Variants in SNTG1 observed in about 807,000 individuals in gnomAD.
The protein encoded by SNTG1 is syntrophin gamma 1, also known as gamma-1-syntrophin.
In SNTG1, 39 loss-of-function variants were observed where a neutral mutation model predicts 74.7. The observed-to-expected ratio is 0.52, with a 90% CI of 0.40 to 0.68. The LOEUF (loss-of-function observed/expected upper bound fraction) is 0.68, where lower values mean the gene tolerates loss of function less well. Among genes scored for constraint, SNTG1 ranks in the 30% least tolerant of loss-of-function variants. SNTG1 has a pLI of 0.00. For missense variants in SNTG1, 685 were observed against 609.5 expected (o/e 1.12, Z -1.30); for synonymous variants, 254 against 217.1 (o/e 1.17, Z -1.49).
At chr8:50,440,539 T>C (rs2093348934) in intron 5 of SNTG1, among the ~76,000 whole-genome samples, 1 of 152,202 alleles carries the variant, frequency 6.6e-6, no homozygotes, top group Non-Finnish European at 1.5e-5. Context: ...GTATAAACTT[T>C]TTTAAAAATA....
intron 1 of SNTG1, among the ~76,000 whole-genome samples, chr8:50,103,712 CTTA>C (rs1384347573): frequency 6.6e-6 from 1 of 152,080 alleles, no homozygotes; most frequent in Non-Finnish European, 1.5e-5. Context: ...ATAGATAGCT[CTTA>C]TTATTTTGAG....
In SNTG1 at chr8:50,470,769, C is replaced by A. The variant is rs184278291; in HGVS notation, c.363+20040C>A. Among the ~76,000 whole-genome samples the A allele has an allele frequency of 1.4e-4, 22 of 152,266 alleles. No homozygotes were observed. In the East Asian group the frequency reaches 2.1e-3, roughly 15 times the overall value. ...AGGTAGTGCGGACCCAAAGAGTGAGCAGCAGCAAGATTTATGACAAAGAGC... is the reference window on the plus strand; with the variant it reads ...AGGTAGTGCGGACCCAAAGAGTGAGAAGCAGCAAGATTTATGACAAAGAGC... On this transcript the variant is annotated intron_variant, in intron 8 of 18. Coordinates refer to ENST00000642720, the MANE Select transcript of SNTG1 (RefSeq NM_018967.5).
Position 50,590,904 on chromosome 8 carries a change from C to T in SNTG1, c.836C>T (p.Pro279Leu), listed in dbSNP as rs781411684. ...HNIKKINRNF[P>L]VNQQIVYMGW... is the part of the protein sequence containing the mutation. ...ATTAAAAAAATCAACAGAAACTTTC[C>T]TGTAAACCAGCAGGTAAGATCAAAG... is the stretch of plus-strand genomic sequence containing the variant. The change falls in exon 13 of 19, where the codon CCT becomes CTT. Residue 279 changes from proline (P) to leucine (L), a missense_variant. By Grantham distance (98) the Pro-to-Leu change is moderately conservative. Transcript: ENST00000642720. 1.9e-6 allele frequency: 3 copies of T among 1,569,404 alleles called. No individual in the cohort carries two copies. The highest frequency in any genetic ancestry group is 2.6e-6 in the Non-Finnish European group (3 of 1,154,118).
intron 11 of SNTG1, among the ~76,000 whole-genome samples, chr8:50,551,304 T>C (rs1010539605): frequency 6.6e-6 from 1 of 152,174 alleles, no homozygotes; most frequent in Non-Finnish European, 1.5e-5. Context: ...AAGTGATATG[T>C]ATTAACTTAT....
chr8:50,691,619 C>T (rs927709772), intron 15 of SNTG1, among the ~76,000 whole-genome samples: 3 of 152,190 alleles, frequency 2.0e-5, no homozygotes, highest in Non-Finnish European at 4.4e-5. Flanking sequence ...GAGAGATCAG[C>T]TGTTAGTCTG....
At chr8:49,978,272 A>G (rs1401828482) in intron 1 of SNTG1, among the ~76,000 whole-genome samples, 7 of 152,134 alleles carry the variant, frequency 4.6e-5, no homozygotes, top group Non-Finnish European at 1.0e-4. Flanking sequence ...AGACAGAAGG[A>G]GACAGAAGAA....
chr8:50,587,670 C>T (rs1367498123), intron 12 of SNTG1, among the ~76,000 whole-genome samples: 3 of 148,830 alleles, frequency 2.0e-5, no homozygotes, highest in Non-Finnish European at 4.4e-5. Context: ...ACTAAAAATA[C>T]AAAAATTAGC....
chr8:50,232,892 C>T (rs959032956), intron 2 of SNTG1, among the ~76,000 whole-genome samples: 1 of 151,202 alleles, frequency 6.6e-6, no homozygotes, highest in East Asian at 1.9e-4. Flanking sequence ...GACTTTAACC[C>T]GAAAACTCAA....
intron 12 of SNTG1, among the ~76,000 whole-genome samples, chr8:50,566,877 A>G: frequency 6.6e-6 from 1 of 152,170 alleles, no homozygotes; most frequent in South Asian, 2.1e-4. Context: ...AGGTAACTTT[A>G]AGTTACTGTG....
chr8:50,778,829 G>A (rs1207161473), intron 18 of SNTG1, among the ~76,000 whole-genome samples: 9 of 151,478 alleles, frequency 5.9e-5, no homozygotes, highest in Non-Finnish European at 1.2e-4. Context: ...GGGTTTTTAT[G>A]GTTTCAGGTC....
intron 2 of SNTG1, among the ~76,000 whole-genome samples, chr8:50,295,662 C>T (rs2089329186): frequency 5.9e-5 from 9 of 152,142 alleles, no homozygotes; most frequent in Admixed American, 5.9e-4. Context: ...AAACAACCTT[C>T]CAGAAATTTA....
At chr8:50,670,473 T>G (rs968323292) in intron 15 of SNTG1, among the ~76,000 whole-genome samples, 2 of 151,324 alleles carry the variant, frequency 1.3e-5, no homozygotes, top group Non-Finnish European at 2.9e-5. Context: ...TACCTAGGAA[T>G]CCAACTTACA....
In SNTG1 at chr8:50,302,369, A is replaced by C. The variant is rs75160763; in HGVS notation, c.-27-91843A>C. 1.7e-3 allele frequency among the ~76,000 whole-genome samples: 263 copies of C among 152,074 alleles called. 1 individual carries two copies. Among genetic ancestry groups the C allele is most frequent in the African/African-American group, 6.1e-3 (253 of 41,498 alleles). On this transcript the variant is annotated intron_variant, in intron 2 of 18. Transcript: ENST00000642720. ...ACATCAGCTGTGATGTGTTTCCCCG[A>C]TTATTTGCCACTGGGATCACTATAA...
chr8:50,523,318 C>G (rs1184970629), intron 9 of SNTG1, among the ~76,000 whole-genome samples: 2 of 152,210 alleles, frequency 1.3e-5, no homozygotes, highest in Non-Finnish European at 2.9e-5. Context: ...CCTTCAAACA[C>G]TTTTCCTTTG....
chr8:50,208,700 C>T (rs1439267690), intron 2 of SNTG1, among the ~76,000 whole-genome samples: 1 of 152,114 alleles, frequency 6.6e-6, no homozygotes, highest in Non-Finnish European at 1.5e-5. Flanking sequence ...TGGCTGGTAC[C>T]AGTCTTTCCT....
At chr8:50,448,986 C>T (rs987633318) in intron 5 of SNTG1, among the ~76,000 whole-genome samples, 2 of 152,116 alleles carry the variant, frequency 1.3e-5, no homozygotes, top group Non-Finnish European at 2.9e-5. Flanking sequence ...CAAGATCGCG[C>T]CATGGCACTC....
chr8:50,253,188 C>T (rs1473153928), intron 2 of SNTG1, among the ~76,000 whole-genome samples: 2 of 152,062 alleles, frequency 1.3e-5, no homozygotes, highest in African/African-American at 4.8e-5. Context: ...CTTTGGGAGG[C>T]TGAGGTGGGT....
At chr8:50,012,184 A>T (rs1229248452) in intron 1 of SNTG1, among the ~76,000 whole-genome samples, 1 of 152,186 alleles carries the variant, frequency 6.6e-6, no homozygotes, top group African/African-American at 2.4e-5. Flanking sequence ...GAGCACTTAC[A>T]CCACATGAGC....
At chr8:50,571,738 C>T (rs1260203483) in intron 12 of SNTG1, among the ~76,000 whole-genome samples, 1 of 152,184 alleles carries the variant, frequency 6.6e-6, no homozygotes, top group Non-Finnish European at 1.5e-5. Context: ...TTGCAGAGTA[C>T]TGAATATTCC....
Sources: gnomAD v4.1 joint callset for allele counts (sites outside exome capture counted in the v4.1 genomes callset) on GRCh38, gnomAD v4.1.1 for gene constraint, MANE v1.5 for transcripts, NCBI Gene and HGNC (gene_info 2026-07-23, HGNC 2026-07-21) for gene names.